NRG3: variants seen among roughly 807,000 people sequenced by gnomAD.
The protein encoded by NRG3 is neuregulin 3, also known as pro-neuregulin-3, membrane-bound isoform.
A neutral mutation model predicts 66.9 loss-of-function variants in NRG3; 31 were observed. That is an observed-to-expected ratio of 0.46 (90% CI 0.35 to 0.63). NRG3 has a LOEUF of 0.63. NRG3 is among the 20% of genes least tolerant of loss of function. The pLI, the probability that NRG3 is intolerant of heterozygous loss-of-function variation, is 0.00. For synonymous variants in NRG3, 393 were observed against 359.4 expected (o/e 1.09, Z -1.06); for missense variants, 910 against 878.9 (o/e 1.04, Z -0.45).
At chr10:82,274,933 C>A (rs1484737043) in intron 1 of NRG3, among the ~76,000 whole-genome samples, 1 of 152,002 alleles carries the variant, frequency 6.6e-6, no homozygotes, top group Non-Finnish European at 1.5e-5. Flanking sequence ...AAACTTCATG[C>A]CTTCCACTTA....
intron 1 of NRG3, among the ~76,000 whole-genome samples, chr10:81,953,935 G>T (rs890821303): frequency 6.6e-6 from 1 of 152,156 alleles, no homozygotes; most frequent in African/African-American, 2.4e-5. Flanking sequence ...ATATTGGGAA[G>T]TCAGATATAT....
At chr10:82,149,169 G>T (rs1375428169) in intron 1 of NRG3, among the ~76,000 whole-genome samples, 2 of 151,870 alleles carry the variant, frequency 1.3e-5, no homozygotes. Context: ...ATAGTTTGAG[G>T]TCTTAAAATA....
At chr10:81,983,686 T>C (rs10883997) in intron 1 of NRG3, among the ~76,000 whole-genome samples, 17,488 of 152,212 alleles carry the variant, frequency 0.11, 1,241 homozygotes, top group East Asian at 0.34. Context: ...ATTTAAAGTA[T>C]TTTTTCCTCT....
intron 2 of NRG3, among the ~76,000 whole-genome samples, chr10:82,411,273 G>A (rs1341373860): frequency 7.2e-5 from 11 of 152,046 alleles, no homozygotes; most frequent in Non-Finnish European, 1.5e-4. Flanking sequence ...GGAAGAAAGA[G>A]GAGAAAAAGA....
chr10:82,120,160 T>C (rs2067991297), intron 1 of NRG3, among the ~76,000 whole-genome samples: 1 of 152,112 alleles, frequency 6.6e-6, no homozygotes, highest in African/African-American at 2.4e-5. Context: ...GTGATATATA[T>C]GGAACAGCTC....
At chr10:82,044,788 C>T (rs1221270245) in intron 1 of NRG3, among the ~76,000 whole-genome samples, 2 of 152,062 alleles carry the variant, frequency 1.3e-5, no homozygotes, top group African/African-American at 2.4e-5. Context: ...CATTGTTCAA[C>T]TCCCACCTAT....
chr10:82,404,859 A>T (rs896625855), intron 2 of NRG3, among the ~76,000 whole-genome samples: 1 of 152,058 alleles, frequency 6.6e-6, no homozygotes, highest in Admixed American at 6.6e-5. Context: ...ATTATGACAT[A>T]CTCCTCATTT....
intron 4 of NRG3, among the ~76,000 whole-genome samples, chr10:82,870,896 C>A (rs1001105731): frequency 1.3e-5 from 2 of 152,116 alleles, no homozygotes; most frequent in African/African-American, 4.8e-5. Context: ...TGACAGTATG[C>A]TTTGCAAAGC....
intron 2 of NRG3, among the ~76,000 whole-genome samples, chr10:82,530,437 T>C (rs1451400478): frequency 6.6e-6 from 1 of 152,042 alleles, no homozygotes; most frequent in Non-Finnish European, 1.5e-5. Flanking sequence ...TTTAGCCTGG[T>C]GGCCCTCGTT....
intron 2 of NRG3, among the ~76,000 whole-genome samples, chr10:82,667,232 C>T (rs2052865334): frequency 6.6e-6 from 1 of 152,116 alleles, no homozygotes; most frequent in Non-Finnish European, 1.5e-5. Context: ...CAACTCTTCT[C>T]TAGGTGGCAC....
intron 2 of NRG3, among the ~76,000 whole-genome samples, chr10:82,640,481 C>T (rs1286419019): frequency 1.3e-5 from 2 of 152,140 alleles, no homozygotes; most frequent in Non-Finnish European, 2.9e-5. Context: ...ATTCTGAGTG[C>T]AAATCCATCA....
intron 2 of NRG3, among the ~76,000 whole-genome samples, chr10:82,575,285 C>G (rs756185633): frequency 1.3e-5 from 2 of 151,082 alleles, no homozygotes; most frequent in Non-Finnish European, 3.0e-5. Flanking sequence ...ATAAAAATGG[C>G]CTCTGAAAGA....
At chr10:82,667,098 C>G (rs2052853706) in intron 2 of NRG3, among the ~76,000 whole-genome samples, 1 of 152,188 alleles carries the variant, frequency 6.6e-6, no homozygotes, top group Non-Finnish European at 1.5e-5. Context: ...CGTCCATTCT[C>G]CTCACCTTGG....
At chr10:82,879,467 CTTTTTTTTT>C (rs201614818) in intron 4 of NRG3, among the ~76,000 whole-genome samples, 47,525 of 121,988 alleles carry the variant, frequency 0.39, 8,593 homozygotes, top group East Asian at 0.64. Flanking sequence ...CTAATGAAGA[CTTTTTTTTT>C]TTTTTTTTTT....
intron 1 of NRG3, among the ~76,000 whole-genome samples, chr10:82,212,182 A>C (rs935044411): frequency 6.6e-6 from 1 of 152,188 alleles, no homozygotes; most frequent in Non-Finnish European, 1.5e-5. Flanking sequence ...TAAAAACAGC[A>C]ATTTCACATG....
chr10:82,044,778 C>T (rs545637807), intron 1 of NRG3, among the ~76,000 whole-genome samples: 1 of 152,196 alleles, frequency 6.6e-6, no homozygotes, highest in South Asian at 2.1e-4. Context: ...CATGTGTTCT[C>T]ATTGTTCAAC....
intron 1 of NRG3, among the ~76,000 whole-genome samples, chr10:82,296,493 G>T (rs1336184504): frequency 6.6e-6 from 1 of 152,044 alleles, no homozygotes; most frequent in East Asian, 1.9e-4. Flanking sequence ...TTTATTGGAG[G>T]ATAAATTTGC....
In NRG3 at chr10:82,970,372, A is replaced by T. The variant is rs954030779; in HGVS notation, c.1285-3416A>T. ...GGAGTGCAATAGCTAATCACATAGCACACTACAGTCTCTAACTCCTGGGCT... is the reference window on the plus strand; with the variant it reads ...GGAGTGCAATAGCTAATCACATAGCTCACTACAGTCTCTAACTCCTGGGCT... On this transcript the variant is annotated intron_variant, in intron 6 of 8. Transcript: ENST00000372141. Among the ~76,000 whole-genome samples the T allele has an allele frequency of 4.6e-5, 7 of 152,250 alleles. No homozygotes were observed. In the East Asian group the frequency reaches 1.4e-3, roughly 29 times the overall value.
chr10:82,931,614 C>T (rs1237724905), intron 4 of NRG3, among the ~76,000 whole-genome samples: 2 of 152,166 alleles, frequency 1.3e-5, no homozygotes, highest in Admixed American at 1.3e-4. Context: ...ATTTTGAAAC[C>T]TTCATTGACT....
Sources: gnomAD v4.1 joint callset for allele counts (sites outside exome capture counted in the v4.1 genomes callset) on GRCh38, gnomAD v4.1.1 for gene constraint, MANE v1.5 for transcripts, NCBI Gene and HGNC (gene_info 2026-07-23, HGNC 2026-07-21) for gene names.